ITGA1: variants seen among roughly 807,000 people sequenced by gnomAD.
The protein encoded by ITGA1 is integrin alpha-1.
ITGA1 carries 85 observed loss-of-function variants against 145.9 expected under a neutral mutation model. The observed-to-expected ratio is 0.58, with a 90% CI of 0.49 to 0.70. The LOEUF (loss-of-function observed/expected upper bound fraction) is 0.70, where lower values mean the gene tolerates loss of function less well. Among genes scored for constraint, ITGA1 ranks in the 30% least tolerant of loss-of-function variants. The pLI is 0.00. For synonymous variants in ITGA1, 520 were observed against 495.3 expected (o/e 1.05, Z -0.66); for missense variants, 1,351 against 1,418.7 (o/e 0.95, Z 0.77).
At chr5:52,925,746 C>G (rs2111879991) in intron 19 of ITGA1, among the ~76,000 whole-genome samples, 1 of 152,160 alleles carries the variant, frequency 6.6e-6, no homozygotes, top group East Asian at 1.9e-4. Context: ...TTCATAAAAT[C>G]CTTAAACCAC....
intron 24 of ITGA1, among the ~76,000 whole-genome samples, chr5:52,938,719 TA>T (rs1326594730): frequency 6.6e-6 from 1 of 152,180 alleles, no homozygotes; most frequent in Non-Finnish European, 1.5e-5. Context: ...TATAGCATTT[TA>T]ACATAATATA....
At chr5:52,793,974 A>C (rs1173432539) in intron 1 of ITGA1, among the ~76,000 whole-genome samples, 2 of 152,198 alleles carry the variant, frequency 1.3e-5, no homozygotes, top group South Asian at 2.1e-4. Context: ...ATTTTAATCA[A>C]AACTTTCCTA....
chr5:52,935,239 C>CT (rs905840955), intron 23 of ITGA1, among the ~76,000 whole-genome samples: 1 of 151,798 alleles, frequency 6.6e-6, no homozygotes, highest in African/African-American at 2.4e-5. Context: ...TTTAAAAGAA[C>CT]TTTTTTTAAG....
chr5:52,848,278 A>G (rs1395250874), intron 1 of ITGA1, among the ~76,000 whole-genome samples: 4 of 152,186 alleles, frequency 2.6e-5, no homozygotes, highest in Admixed American at 1.3e-4. Flanking sequence ...AGCAGCAAGG[A>G]CAACATCTAT....
At position 52,910,465 on chromosome 5, in the gene ITGA1, G is replaced by C. The variant is rs772456796; in HGVS notation, c.1857+46G>C. 16 of 1,580,402 alleles carry C rather than the reference G, an allele frequency of 1.0e-5. 1 individual carries two copies. Among genetic ancestry groups the C allele is most frequent in the South Asian group, 9.1e-5 (8 of 88,124 alleles). On this transcript the variant is annotated intron_variant, in intron 14 of 28. Coordinates refer to ENST00000282588, the MANE Select transcript of ITGA1 (RefSeq NM_181501.2). ...ATTCCCACCCTTCAGTGATAAGTCGGTTCAATGCCAGGCATTACCTGTCTA... is the reference window on the plus strand; with the variant it reads ...ATTCCCACCCTTCAGTGATAAGTCGCTTCAATGCCAGGCATTACCTGTCTA...
Position 52,910,337 on chromosome 5 carries a change from G to A in ITGA1, c.1775G>A (p.Gly592Glu), listed in dbSNP as rs1299499034. The A allele has an allele frequency of 6.2e-7, 1 of 1,613,930 alleles. No individual in the cohort carries two copies. Among genetic ancestry groups the A allele is most frequent in the African/African-American group, 1.3e-5 (1 of 75,020 alleles). ...NLDGFNDIVI[G>E]APLEDDHGGA... is the part of the protein sequence containing the mutation. ...GATGGATTTAATGACATCGTGATAG[G>A]AGCTCCGCTGGAAGATGATCACGGG... Residue 592 changes from glycine (G) to glutamate (E), a missense_variant, in exon 14 of 29, where the codon GGA (glycine) becomes GAA (glutamate). By Grantham distance (98) the Gly-to-Glu change is moderately conservative (BLOSUM62 -2). Transcript: ENST00000282588.
chr5:52,866,944 G>C (rs1019970015), intron 6 of ITGA1: 4 of 151,808 alleles, frequency 2.6e-5, no homozygotes, highest in African/African-American at 7.3e-5. Context: ...AAAGATTGTT[G>C]TGTGGTTTGG....
intron 12 of ITGA1, among the ~76,000 whole-genome samples, chr5:52,907,877 A>G (rs1750436182): frequency 6.6e-6 from 1 of 152,148 alleles, no homozygotes; most frequent in East Asian, 1.9e-4. Context: ...TTTTAAAAAA[A>G]CCTCTCAAGG....
intron 14 of ITGA1, 126 bp from the exon 15 acceptor site, chr5:52,915,338 T>C: frequency 1.0e-6 from 1 of 983,024 alleles, no homozygotes; most frequent in Non-Finnish European, 1.5e-6. Flanking sequence ...ATGAGGGACC[T>C]CTTGGGCGGA....
chr5:52,806,023 A>G (rs1389541326), intron 1 of ITGA1, among the ~76,000 whole-genome samples: 1 of 152,146 alleles, frequency 6.6e-6, no homozygotes, highest in Non-Finnish European at 1.5e-5. Flanking sequence ...AGAAAGAACA[A>G]TTAATTCCAA....
chr5:52,924,424 C>T lies in ITGA1; in HGVS notation c.2404-854C>T, dbSNP rs532954199. Reference sequence around the variant, plus strand: ...GGATGCTAAGTGTGAAAGTCCTGAGCATGAAGGAAACAACGACATTCGCTA... The same window carrying T: ...GGATGCTAAGTGTGAAAGTCCTGAGTATGAAGGAAACAACGACATTCGCTA... On this transcript the variant is annotated intron_variant, in intron 18 of 28. Transcript: ENST00000282588. 7.1e-4 allele frequency among the ~76,000 whole-genome samples: 108 copies of T among 152,158 alleles called. 1 individual carries two copies. Among genetic ancestry groups the T allele is most frequent in the Middle Eastern group, 3.4e-3 (1 of 294 alleles).
chr5:52,934,993 C>T (rs565024167), intron 23 of ITGA1, among the ~76,000 whole-genome samples: 4 of 151,806 alleles, frequency 2.6e-5, no homozygotes, highest in Non-Finnish European at 1.5e-5. Context: ...ATTTCTCCAG[C>T]CCTATTCACT....
intron 1 of ITGA1, 89 bp downstream of exon 1, chr5:52,788,503 T>C (rs975276569): frequency 8.0e-6 from 9 of 1,122,486 alleles, no homozygotes; most frequent in Non-Finnish European, 1.1e-5. Context: ...ATGGGCCAGA[T>C]AGGAAGAGAG....
chr5:52,856,011 G>A (rs1749506841), intron 2 of ITGA1, among the ~76,000 whole-genome samples: 1 of 152,108 alleles, frequency 6.6e-6, no homozygotes, highest in Non-Finnish European at 1.5e-5. Flanking sequence ...CTCAGAATAT[G>A]CAATAGGCCG....
At chr5:52,888,545 C>T (rs751678629) in intron 8 of ITGA1, among the ~76,000 whole-genome samples, 1 of 152,168 alleles carries the variant, frequency 6.6e-6, no homozygotes, top group Non-Finnish European at 1.5e-5. Context: ...TGCTTTTCAG[C>T]GAAGTAGACA....
Position 52,849,364 on chromosome 5 carries a change from G to A in ITGA1, c.62-1G>A, listed in dbSNP as rs752127821. 6.3e-7 allele frequency: 1 copy of A among 1,595,410 alleles called. No individual in the cohort carries two copies. Among genetic ancestry groups the A allele is most frequent in the South Asian group, 1.1e-5 (1 of 87,922 alleles). ...AACTGGATTTTGTTTTTCTCCTAAA[G>A]TTGTTCTACGCTGCTGCGTATCATT... On this transcript the variant is annotated splice_acceptor_variant, in intron 1 of 28. Transcript: ENST00000282588. LOFTEE classifies it high-confidence loss of function.
At chr5:52,902,155 C>T (rs1277250471) in intron 11 of ITGA1, 2 of 152,238 alleles carry the variant, frequency 1.3e-5, no homozygotes, top group African/African-American at 4.8e-5. Context: ...GAAGCAGAGG[C>T]AGAGGCTCTG....
chr5:52,934,623 C>T (rs1372668729), intron 23 of ITGA1, among the ~76,000 whole-genome samples: 1 of 150,458 alleles, frequency 6.6e-6, no homozygotes, highest in African/African-American at 2.4e-5. Context: ...AGCAAACAAT[C>T]ACGGAATTTT....
chr5:52,922,904 T>A lies in ITGA1; in HGVS notation c.2403+17T>A. Reference sequence around the variant, plus strand: ...CATGAATATGTAAGTCAGATTTCTTTAAAATACAAAATACCAACTTGTGAA... The same window carrying A: ...CATGAATATGTAAGTCAGATTTCTTAAAAATACAAAATACCAACTTGTGAA... On this transcript the variant is annotated intron_variant, in intron 18 of 28. Coordinates refer to ENST00000282588, the MANE Select transcript of ITGA1 (RefSeq NM_181501.2). 1 of 1,433,974 alleles carries A rather than the reference T, an allele frequency of 7.0e-7. No homozygotes were observed. Among genetic ancestry groups the A allele is most frequent in the Non-Finnish European group, 9.8e-7 (1 of 1,016,250 alleles). 88.8% of individuals were successfully genotyped at this position (1,433,974 alleles called of 1,614,324 possible).
Sources: allele counts gnomAD v4.1 joint callset (sites outside exome capture counted in the v4.1 genomes callset), GRCh38; gene constraint gnomAD v4.1.1; transcripts MANE v1.5; gene names NCBI Gene and HGNC (gene_info 2026-07-23, HGNC 2026-07-21).